Variants in MSH3 observed in about 807,000 individuals in gnomAD.
MSH3 encodes mutS homolog 3, also known as DNA mismatch repair protein Msh3.
A neutral mutation model predicts 123.3 loss-of-function variants in MSH3; 106 were observed. The observed-to-expected ratio is 0.86, with a 90% CI of 0.73 to 1.01. The LOEUF is 1.01. MSH3 is among the 50% of genes least tolerant of loss of function. MSH3 has a pLI of 0.00. For missense variants in MSH3, 1,459 were observed against 1,347.6 expected (o/e 1.08, Z -1.29); for synonymous variants, 515 against 481.4 (o/e 1.07, Z -0.91).
chr5:80,746,270 AT>A (rs1743718223), intron 12 of MSH3: 6 of 251,674 alleles, frequency 2.4e-5, no homozygotes, highest in Non-Finnish European at 4.7e-5. Context: ...GATATTAACA[AT>A]TTTAAACAGA....
chr5:80,802,149 T>C lies in MSH3; in HGVS notation c.2655+9305T>C, dbSNP rs1265359926. 3.9e-5 allele frequency among the ~76,000 whole-genome samples: 6 copies of C among 152,306 alleles called. No homozygotes were observed. In the East Asian group the frequency reaches 7.7e-4, roughly 20 times the overall value. On this transcript the variant is annotated intron_variant, in intron 19 of 23. Coordinates refer to ENST00000265081, the MANE Select transcript of MSH3 (RefSeq NM_002439.5). Reference sequence around the variant, plus strand: ...TCCAAAGATAGCCACTGTTAACATTTTGGAATGTTTCCTTTGTCTTTCTTT... The same window carrying C: ...TCCAAAGATAGCCACTGTTAACATTCTGGAATGTTTCCTTTGTCTTTCTTT...
chr5:80,778,759 A>G lies in MSH3; in HGVS notation c.2358A>G (p.Val786=). 1.9e-6 allele frequency: 3 copies of G among 1,613,224 alleles called. No individual in the cohort carries two copies. The highest frequency in any genetic ancestry group is 1.7e-6 in the Non-Finnish European group (2 of 1,179,164). ...GCCGCTTTCACTCTCCTTTTATTGT[A>G]GAAAATTACAGACATCTGAATCAGC... ...AVSRFHSPFI[V]ENYRHLNQLR... The change falls in exon 17 of 24, where the codon GTA becomes GTG. Residue 786 remains valine (V), a synonymous_variant. Transcript: ENST00000265081.
At chr5:80,672,497 ATTAT>A in intron 5 of MSH3, 137 bp downstream of exon 5, 1 of 724,458 alleles carries the variant, frequency 1.4e-6, no homozygotes, top group South Asian at 1.6e-5. Flanking sequence ...GTGTTTCATA[ATTAT>A]TAGTATTATG....
At chr5:80,776,911 A>T (rs907125501) in intron 16 of MSH3, among the ~76,000 whole-genome samples, 1 of 141,036 alleles carries the variant, frequency 7.1e-6, no homozygotes, top group African/African-American at 2.6e-5. Context: ...ATATAATACA[A>T]ATATATATAT....
chr5:80,809,442 C>T (rs984999197), intron 19 of MSH3, among the ~76,000 whole-genome samples: 1 of 152,140 alleles, frequency 6.6e-6, no homozygotes, highest in African/African-American at 2.4e-5. Flanking sequence ...ATACTCTTAT[C>T]TTTCAAGGTA....
chr5:80,682,081 T>C (rs375841528), intron 8 of MSH3, among the ~76,000 whole-genome samples: 2 of 152,244 alleles, frequency 1.3e-5, no homozygotes, highest in East Asian at 3.8e-4. Context: ...CATATTGGAC[T>C]AAGCGAAGTC....
At position 80,778,797 on chromosome 5, in the gene MSH3, T is replaced by G. The variant is rs555670202; in HGVS notation, c.2396T>G (p.Leu799Arg). The G allele has an allele frequency of 1.2e-5, 19 of 1,610,584 alleles. 1 individual carries two copies. In the South Asian group the frequency reaches 2.0e-4, roughly 17 times the overall value. ...YRHLNQLREQ[L>R]VLDCSAEWLD... ...CATCTGAATCAGCTCCGGGAGCAGC[T>G]AGTCCTTGACTGCAGTGCTGAATGG... Residue 799 changes from leucine to arginine, a missense_variant, in exon 17 of 24, where the codon CTA (leucine) becomes CGA (arginine). Transcript: ENST00000265081.
rs55962011 is a variant in MSH3 at position 80,845,010 on chromosome 5, A to G, written c.2814-9120A>G. 2.3e-3 allele frequency among the ~76,000 whole-genome samples: 345 copies of G among 152,240 alleles called. 2 individuals are homozygous for G. The highest frequency in any genetic ancestry group is 6.1e-3 in the African/African-American group (255 of 41,546). On this transcript the variant is annotated intron_variant, in intron 20 of 23. Coordinates refer to ENST00000265081, the MANE Select transcript of MSH3 (RefSeq NM_002439.5). Reference sequence around the variant, plus strand: ...CTTCATAGCGTCAATGGTCTTTACAATTTGGCATGTTTTTGCAGTGGCTGG... The same window carrying G: ...CTTCATAGCGTCAATGGTCTTTACAGTTTGGCATGTTTTTGCAGTGGCTGG...
At chr5:80,859,265 T>G (rs1745969992) in intron 21 of MSH3, among the ~76,000 whole-genome samples, 1 of 152,078 alleles carries the variant, frequency 6.6e-6, no homozygotes, top group Admixed American at 6.6e-5. Context: ...GGATTACAAG[T>G]GTGTGCCACC....
chr5:80,874,300 G>T (rs1253361061), intron 23 of MSH3, among the ~76,000 whole-genome samples: 1 of 152,020 alleles, frequency 6.6e-6, no homozygotes, highest in East Asian at 1.9e-4. Flanking sequence ...CTGTGCTTCC[G>T]CCTTGCACTC....
intron 2 of MSH3, among the ~76,000 whole-genome samples, chr5:80,660,071 T>C (rs376864531): frequency 2.0e-5 from 3 of 152,272 alleles, no homozygotes; most frequent in East Asian, 3.9e-4. Flanking sequence ...AGATGCATAG[T>C]CCATTTTCAC....
chr5:80,692,676 T>A lies in MSH3; in HGVS notation c.1340+13583T>A, dbSNP rs867007717. 1.1e-4 allele frequency among the ~76,000 whole-genome samples: 15 copies of A among 141,248 alleles called. No individual in the cohort carries two copies. The East Asian group carries it at 2.8e-3, about 27-fold the overall frequency. 92.7% of individuals were successfully genotyped at this position (141,248 alleles called of 152,430 possible). The stretch of plus-strand genomic sequence containing the variant: ...GATATATATATACACATGTATATGT[T>A]TATGTTTATATAGATAAATATACAT... On this transcript the variant is annotated intron_variant, in intron 8 of 23. Transcript: ENST00000265081.
At chr5:80,688,794 A>G (rs1406902155) in intron 8 of MSH3, among the ~76,000 whole-genome samples, 4 of 151,616 alleles carry the variant, frequency 2.6e-5, no homozygotes, top group African/African-American at 9.7e-5. Flanking sequence ...GGTCTTACTC[A>G]TTAATTTGGT....
intron 8 of MSH3, among the ~76,000 whole-genome samples, chr5:80,683,670 A>G (rs1750020044): frequency 6.6e-6 from 1 of 151,754 alleles, no homozygotes; most frequent in Non-Finnish European, 1.5e-5. Flanking sequence ...CACTTTGTTG[A>G]TTGTTTCTGT....
chr5:80,698,973 A>G (rs1166050771), intron 8 of MSH3, among the ~76,000 whole-genome samples: 1 of 152,186 alleles, frequency 6.6e-6, no homozygotes, highest in African/African-American at 2.4e-5. Context: ...ATAAATAAAA[A>G]ATAAAAAGAG....
chr5:80,827,034 C>T (rs1745328692), intron 20 of MSH3, among the ~76,000 whole-genome samples: 1 of 152,136 alleles, frequency 6.6e-6, no homozygotes, highest in Admixed American at 6.5e-5. Context: ...GGATCATTAA[C>T]ATCCTTGAAT....
intron 18 of MSH3, among the ~76,000 whole-genome samples, chr5:80,789,175 G>C (rs1162733109): frequency 1.3e-5 from 2 of 151,942 alleles, no homozygotes; most frequent in African/African-American, 4.8e-5. Context: ...GAGCACCTAG[G>C]ATTTTATTTT....
chr5:80,875,432 A>G (rs1241669090), intron 23 of MSH3, among the ~76,000 whole-genome samples: 1 of 152,200 alleles, frequency 6.6e-6, no homozygotes, highest in Non-Finnish European at 1.5e-5. Context: ...TCTTTTCTCC[A>G]GGTACAAATA....
chr5:80,813,518 G>A (rs2112053976), intron 19 of MSH3, 66 bp from the exon 20 acceptor site: 2 of 1,511,398 alleles, frequency 1.3e-6, no homozygotes, highest in Non-Finnish European at 1.8e-6. Context: ...CCACTTATGA[G>A]ATAAATTGTG....
Sources: allele counts gnomAD v4.1 joint callset (sites outside exome capture counted in the v4.1 genomes callset), GRCh38; gene constraint gnomAD v4.1.1; transcripts MANE v1.5; gene names NCBI Gene and HGNC (gene_info 2026-07-23, HGNC 2026-07-21).